GRM6: variants seen among roughly 807,000 people sequenced by gnomAD.
GRM6 encodes glutamate metabotropic receptor 6.
In GRM6, 73 loss-of-function variants were observed where a neutral mutation model predicts 78.4. That is an observed-to-expected ratio of 0.93 (90% CI 0.77 to 1.13). The LOEUF is 1.13. Ranked by LOEUF, GRM6 falls within the 50% of genes most tolerant of loss-of-function variation. The probability of loss-of-function intolerance (pLI) is 0.00; values close to 1 mark genes in which losing one functional copy is unlikely to be tolerated. For missense variants in GRM6, 1,251 were observed against 1,256.4 expected (o/e 1.00, Z 0.07); for synonymous variants, 580 against 555.0 (o/e 1.05, Z -0.63).
At position 178,985,665 on chromosome 5, in the gene GRM6, T is replaced by A. The variant is rs181279078; in HGVS notation, c.2124+465A>T. On this transcript the variant is annotated intron_variant, in intron 9 of 10. Coordinates refer to ENST00000517717, the MANE Select transcript of GRM6 (RefSeq NM_000843.4). ...TTGCAGGGAGCTGAGATAGTGCCACTGCACTCCAGCCTGGGCGACACAGCG... is the reference window on the plus strand; with the variant it reads ...TTGCAGGGAGCTGAGATAGTGCCACAGCACTCCAGCCTGGGCGACACAGCG... 1.2e-3 allele frequency: 488 copies of A among 391,974 alleles called. 2 individuals are homozygous for A. The highest frequency in any genetic ancestry group is 9.8e-3 in the African/African-American group (430 of 44,002). 24.3% of individuals were successfully genotyped at this position (391,974 alleles called of 1,614,324 possible). A position where few individuals can be genotyped will look rare whatever the true frequency, so the allele number is the denominator to read the frequency against.
chr5:178,992,007 A>G lies in GRM6; in HGVS notation c.581T>C (p.Val194Ala). 6.2e-7 allele frequency: 1 copy of G among 1,613,794 alleles called. No homozygotes were observed. Among genetic ancestry groups the G allele is most frequent in the Non-Finnish European group, 8.5e-7 (1 of 1,179,776 alleles). ...CTGCGCCTGGTAGGAGTCGGGTGGCACCACCCGGGAGAAGAAGTCATAGCG... is the reference window on the plus strand; with the variant it reads ...CTGCGCCTGGTAGGAGTCGGGTGGCGCCACCCGGGAGAAGAAGTCATAGCG... ...STRYDFFSRV[V>A]PPDSYQAQAM... Residue 194 changes from valine (V) to alanine (A), a missense_variant, in exon 3 of 11, where the codon GTG becomes GCG. Transcript: ENST00000517717. This position sits in a 1 kb window ranked among gnomAD's most constrained non-coding sequence, Gnocchi z 4.9.
chr5:178,992,396 C>CT lies in GRM6; in HGVS notation c.505-314_505-313insA, dbSNP rs1394958359. 1 of 337,702 alleles carries CT rather than the reference C, an allele frequency of 3.0e-6. No homozygotes were observed. 20.9% of individuals were successfully genotyped at this position (337,702 alleles called of 1,614,324 possible). A position where few individuals can be genotyped will look rare whatever the true frequency, so the allele number is the denominator to read the frequency against. On this transcript the variant is annotated intron_variant, in intron 2 of 10. Coordinates refer to ENST00000517717, the MANE Select transcript of GRM6 (RefSeq NM_000843.4). This position sits in a 1 kb window ranked among gnomAD's most constrained non-coding sequence, Gnocchi z 4.9. ...GTACAAGCTGTGTCCTGAACAAGGA[C>CT]CCCCAGCAGAGGGCCTGCAGCCCAT...
At chr5:178,987,007 C>A in intron 7 of GRM6, 24 bp from the exon 8 acceptor site, 1 of 1,609,810 alleles carries the variant, frequency 6.2e-7, no homozygotes, top group Non-Finnish European at 8.5e-7. Flanking sequence ...CCGTCATCCT[C>A]GGTGGTCCTC....
At position 178,985,501 on chromosome 5, in the gene GRM6, A is replaced by T. The variant is rs568302665; in HGVS notation, c.2124+629T>A. On this transcript the variant is annotated intron_variant, in intron 9 of 10. Transcript: ENST00000517717. ...GGCGGATCACGAGGTCAGGAGATCGAGACCATCCTGGCTAACACGGTGAAG... is the reference window on the plus strand; with the variant it reads ...GGCGGATCACGAGGTCAGGAGATCGTGACCATCCTGGCTAACACGGTGAAG... 60 of 341,434 alleles carry T rather than the reference A, an allele frequency of 1.8e-4. 1 individual carries two copies. Among genetic ancestry groups the T allele is most frequent in the Middle Eastern group, 1.1e-3 (1 of 922 alleles). The allele number at this position is 341,434 out of a possible 1,614,324, so 21.2% of individuals were successfully genotyped here.
chr5:178,987,047 GCC>G, intron 7 of GRM6, 64 bp from the exon 8 acceptor site: 2 of 1,538,598 alleles, frequency 1.3e-6, no homozygotes, highest in Non-Finnish European at 1.8e-6. Context: ...TCCTGGGGAG[GCC>G]CCAGGGACCA....
chr5:178,989,206 T>G, intron 6 of GRM6, 59 bp downstream of exon 6: 14 of 218,532 alleles, frequency 6.4e-5, no homozygotes, highest in Non-Finnish European at 9.1e-5. Context: ...GCCTTCCCCC[T>G]CCCCACCCTC....
At chr5:178,985,785 A>G (rs1022217722) in intron 9 of GRM6, 3 of 498,626 alleles carry the variant, frequency 6.0e-6, no homozygotes, top group African/African-American at 3.9e-5. Context: ...GTTTTGAGAC[A>G]GGGTCTTACT....
Position 178,981,931 on chromosome 5 carries a change from A to T in GRM6, c.2437-77T>A. 1.1e-6 allele frequency: 1 copy of T among 917,946 alleles called. No individual in the cohort carries two copies. Among genetic ancestry groups the T allele is most frequent in the Non-Finnish European group, 1.8e-6 (1 of 547,016 alleles). The allele number at this position is 917,946 out of a possible 1,614,324, so 56.9% of individuals were successfully genotyped here. ...CCGCTCCACACAGTCCTCACCACATACTCTGGAGCTGAGTCTGTTTCAGTT... is the reference window on the plus strand; with the variant it reads ...CCGCTCCACACAGTCCTCACCACATTCTCTGGAGCTGAGTCTGTTTCAGTT... On this transcript the variant is annotated intron_variant, in intron 10 of 10. Transcript: ENST00000517717. The surrounding 1 kb of genome is among the most constrained non-coding windows in gnomAD (Gnocchi z 5.1).
In GRM6 at chr5:178,985,358, C is replaced by T. The variant is rs1030158193; in HGVS notation, c.2124+772G>A. On this transcript the variant is annotated intron_variant, in intron 9 of 10. Coordinates refer to ENST00000517717, the MANE Select transcript of GRM6 (RefSeq NM_000843.4). Reference sequence around the variant, plus strand: ...CCAGCAGGGGAGATGGCGGCCCTAACTGAGCTGCTGTCACAGGAGGGGAGG... The same window carrying T: ...CCAGCAGGGGAGATGGCGGCCCTAATTGAGCTGCTGTCACAGGAGGGGAGG... 4.3e-5 allele frequency: 18 copies of T among 416,562 alleles called. No homozygotes were observed. The Admixed American group carries it at 4.8e-4, about 11-fold the overall frequency. 25.8% of individuals were successfully genotyped at this position (416,562 alleles called of 1,614,324 possible).
At position 178,992,168 on chromosome 5, in the gene GRM6, G is replaced by A. The variant is rs758232605; in HGVS notation, c.505-85C>T. ...GGTAAGGGGGGCCCAGGACACGGACGGGGCACAGAAGGTGTGTGGCATGGA... is the reference window on the plus strand; with the variant it reads ...GGTAAGGGGGGCCCAGGACACGGACAGGGCACAGAAGGTGTGTGGCATGGA... On this transcript the variant is annotated intron_variant, in intron 2 of 10. Coordinates refer to ENST00000517717, the MANE Select transcript of GRM6 (RefSeq NM_000843.4). This position sits in a 1 kb window ranked among gnomAD's most constrained non-coding sequence, Gnocchi z 4.9. The A allele has an allele frequency of 1.7e-5, 15 of 897,652 alleles. No individual in the cohort carries two copies. Among genetic ancestry groups the A allele is most frequent in the African/African-American group, 6.5e-5 (4 of 61,394 alleles). 55.6% of individuals were successfully genotyped at this position (897,652 alleles called of 1,614,324 possible).
At chr5:178,985,454 A>G (rs772685268) in intron 9 of GRM6, among the ~76,000 whole-genome samples, 23 of 151,684 alleles carry the variant, frequency 1.5e-4, no homozygotes, top group Non-Finnish European at 1.8e-4. Flanking sequence ...CTGTCATCCC[A>G]GCACTTTGGG....
chr5:178,985,556 A>G (rs1301384827), intron 9 of GRM6: 7 of 337,834 alleles, frequency 2.1e-5, no homozygotes, highest in East Asian at 8.2e-5. Flanking sequence ...ACAAAAAATT[A>G]GCCGGGCGTG....
chr5:178,991,513 C>A lies in GRM6; in HGVS notation c.768G>T (p.Lys256Asn), dbSNP rs754758541. The A allele has an allele frequency of 2.5e-6, 4 of 1,613,762 alleles. No individual in the cohort carries two copies. In the Admixed American group the frequency reaches 5.0e-5, roughly 20 times the overall value. The change falls in exon 4 of 11, where the codon AAG (lysine) becomes AAT (asparagine). Residue 256 changes from lysine to asparagine, a missense_variant. Lys to Asn is a moderately conservative substitution (Grantham distance 94). Transcript: ENST00000517717. This position sits in a 1 kb window ranked among gnomAD's most constrained non-coding sequence, Gnocchi z 5.0. The stretch of plus-strand genomic sequence containing the variant: ...TGATCACCTTGCTGAACTCTCCTGG[C>A]TTTGGTTCCCTGGGAATCTTGATAG... ...AQSIKIPREPKPGEFSKVIRR... is the reference protein window; with the variant it reads ...AQSIKIPREPNPGEFSKVIRR...
rs1399748379 is a variant in GRM6, at chr5:178,986,324, C to T, written c.1930G>A (p.Glu644Lys). 6.2e-7 allele frequency: 1 copy of T among 1,614,130 alleles called. No individual in the cohort carries two copies. Among genetic ancestry groups the T allele is most frequent in the Non-Finnish European group, 8.5e-7 (1 of 1,180,012 alleles). ...GCGGCACAGACCGCGGCCCCAGGCT[C>T]AGCCACCATGAGGAAGGTGATGGCG... ...IYAITFLMVA[E>K]PGAAVCAARR... Residue 644 changes from glutamate to lysine, a missense_variant, in exon 9 of 11, where the codon GAG becomes AAG. Coordinates refer to ENST00000517717, the MANE Select transcript of GRM6 (RefSeq NM_000843.4).
rs1023117993 is a variant in GRM6, at chr5:178,979,569, G to C, written c.*2088C>G. On this transcript the variant is annotated 3_prime_UTR_variant, in exon 11 of 11. Coordinates refer to ENST00000517717, the MANE Select transcript of GRM6 (RefSeq NM_000843.4). The stretch of plus-strand genomic sequence containing the variant: ...ATGGCAGAGTGTGAAAGTCGTCTGC[G>C]GGAAGCCAGGACTCTATGCCAGAAA... 1 of 152,206 alleles carries C rather than the reference G, an allele frequency of 6.6e-6. No individual in the cohort carries two copies. The highest frequency in any genetic ancestry group is 1.5e-5 in the Non-Finnish European group (1 of 68,044). 9.4% of individuals were successfully genotyped at this position (152,206 alleles called of 1,614,324 possible).
At position 178,981,988 on chromosome 5, in the gene GRM6, C is replaced by T. The variant is rs1253669607; in HGVS notation, c.2437-134G>A. 2.6e-6 allele frequency: 2 copies of T among 772,390 alleles called. No individual in the cohort carries two copies. Among genetic ancestry groups the T allele is most frequent in the East Asian group, 4.9e-5 (2 of 40,784 alleles). The allele number at this position is 772,390 out of a possible 1,614,324, so 47.8% of individuals were successfully genotyped here. A position where few individuals can be genotyped will look rare whatever the true frequency, so the allele number is the denominator to read the frequency against. ...CTGGGAATGAGCACTTAGACCAGGA[C>T]AACAGTATGAGCAGGGGCCCCGCGC... On this transcript the variant is annotated intron_variant, in intron 10 of 10. Transcript: ENST00000517717. This position sits in a 1 kb window ranked among gnomAD's most constrained non-coding sequence, Gnocchi z 5.1.
rs1174491916 is a variant in GRM6 at position 178,986,510 on chromosome 5, A to G, written c.1744T>C (p.Ser582Pro). The G allele has an allele frequency of 6.2e-7, 1 of 1,608,888 alleles. No individual in the cohort carries two copies. Among genetic ancestry groups the G allele is most frequent in the African/African-American group, 1.3e-5 (1 of 74,894 alleles). ...RPTPVVRLSWSSPWAAPPLLL... is the reference protein window; with the variant it reads ...RPTPVVRLSWPSPWAAPPLLL... The stretch of plus-strand genomic sequence containing the variant: ...AGCGGCGGGGCTGCCCAGGGGGAGG[A>G]CCAGCTCAGGCGCACCACAGGTGTG... The change falls in exon 9 of 11, where the codon TCC (serine) becomes CCC (proline). Residue 582 changes from serine (S) to proline (P), a missense_variant. Transcript: ENST00000517717.
intron 9 of GRM6, chr5:178,985,686 C>A (rs12109023): frequency 5.0e-6 from 2 of 396,696 alleles, no homozygotes; most frequent in Non-Finnish European, 9.7e-6. Context: ...CTGGGCGACA[C>A]AGCGAGACTC....
intron 6 of GRM6, 52 bp downstream of exon 6, chr5:178,989,206 TCCCCACC>T (rs748232257): frequency 9.1e-6 from 2 of 220,656 alleles, no homozygotes; most frequent in Admixed American, 1.2e-4. Context: ...GCCTTCCCCC[TCCCCACC>T]CTCACCACCC....
Sources: gnomAD v4.1 joint callset for allele counts (sites outside exome capture counted in the v4.1 genomes callset) on GRCh38, gnomAD v4.1.1 for gene constraint, Gnocchi (gnomAD v3.1) non-coding constraint, MANE v1.5 for transcripts, NCBI Gene and HGNC (gene_info 2026-07-23, HGNC 2026-07-21) for gene names.